Variants in ABCB4 observed in about 807,000 individuals in gnomAD.
ABCB4 encodes ATP binding cassette subfamily B member 4.
ABCB4 carries 76 observed loss-of-function variants against 145.7 expected under a neutral mutation model. The observed-to-expected ratio is 0.52, with a 90% CI of 0.43 to 0.63. The LOEUF is 0.63. Among genes scored for constraint, ABCB4 ranks in the 30% least tolerant of loss-of-function variants. The pLI, the probability that ABCB4 is intolerant of heterozygous loss-of-function variation, is 0.00. For missense variants in ABCB4, 1,234 were observed against 1,553.1 expected (o/e 0.79, Z 3.45); for synonymous variants, 517 against 566.8 (o/e 0.91, Z 1.25).
At chr7:87,458,555 A>C (rs1273771384) in intron 4 of ABCB4, among the ~76,000 whole-genome samples, 1 of 152,206 alleles carries the variant, frequency 6.6e-6, no homozygotes, top group African/African-American at 2.4e-5. Flanking sequence ...ACCTCACTCT[A>C]TCTGTTCCCA....
the ABCB4 span, chr7:87,382,442 C>CT: frequency 6.2e-7 from 1 of 1,613,678 alleles, no homozygotes; most frequent in Non-Finnish European, 8.5e-7. Flanking sequence ...CGGCTTATGC[C>CT]TTTACATCTT....
At chr7:87,451,907 CT>C (rs1168150462) in intron 6 of ABCB4, 113 bp from the exon 7 acceptor site, 28 of 947,604 alleles carry the variant, frequency 3.0e-5, no homozygotes, top group Non-Finnish European at 4.5e-5. Context: ...CTGCAAGCCT[CT>C]TTCAGAGTCT....
At chr7:87,393,303 G>A in the ABCB4 span, among the ~76,000 whole-genome samples, 3 of 152,038 alleles carry the variant, frequency 2.0e-5, no homozygotes, top group Admixed American at 6.6e-5. Flanking sequence ...GTTTCAAGTC[G>A]ATTCGGCAAT....
At chr7:87,412,227 C>A (rs956645578) in intron 22 of ABCB4, among the ~76,000 whole-genome samples, 194 bp from the exon 23 acceptor site, 4 of 152,112 alleles carry the variant, frequency 2.6e-5, no homozygotes, top group South Asian at 4.1e-4. Context: ...ATTGTTTTGA[C>A]AAAAACCATA....
At chr7:87,469,771 A>G (rs1214700743) in intron 3 of ABCB4, among the ~76,000 whole-genome samples, 1 of 152,242 alleles carries the variant, frequency 6.6e-6, no homozygotes, top group Non-Finnish European at 1.5e-5. Context: ...AAGAATCAAT[A>G]TCGTGAAAAT....
intron 26 of ABCB4, chr7:87,406,084 G>T: frequency 1.6e-6 from 1 of 615,166 alleles, no homozygotes; most frequent in South Asian, 1.9e-5. Context: ...TGGTGGTTTT[G>T]AGCTTCTCAC....
chr7:87,415,899 A>G (rs1808937841), intron 21 of ABCB4, among the ~76,000 whole-genome samples: 1 of 152,174 alleles, frequency 6.6e-6, no homozygotes. Flanking sequence ...CCATTCTCCC[A>G]TATGAAATGT....
the ABCB4 span, chr7:87,392,563 C>T: frequency 1.9e-6 from 3 of 1,611,914 alleles, no homozygotes; most frequent in East Asian, 2.2e-5. Flanking sequence ...ATTTTTAATA[C>T]AGCTTCGTGA....
In ABCB4 at chr7:87,462,785, C is replaced by A; in HGVS notation, c.259G>T (p.Asp87Tyr). ...VFGEMTDKFV[D>Y]TAGNFSFPVN... is the part of the protein sequence containing the mutation. ...GGAAAGGAGAAGTTTCCTGCAGTAT[C>A]AACAAATTTGTCAGTCATCTCTCCA... The change falls in exon 4 of 28, where the codon GAT becomes TAT. Residue 87 changes from aspartate to tyrosine, a missense_variant. Coordinates refer to ENST00000649586, the MANE Select transcript of ABCB4 (RefSeq NM_000443.4). 1.9e-6 allele frequency: 3 copies of A among 1,613,934 alleles called. No individual in the cohort carries two copies. The highest frequency in any genetic ancestry group is 2.5e-6 in the Non-Finnish European group (3 of 1,179,918).
intron 4 of ABCB4, among the ~76,000 whole-genome samples, chr7:87,458,617 T>A (rs1812256073): frequency 6.6e-6 from 1 of 152,202 alleles, no homozygotes; most frequent in South Asian, 2.1e-4. Flanking sequence ...CAATAAGCAG[T>A]CTGGATTTAG....
At chr7:87,378,487 A>G in the ABCB4 span, among the ~76,000 whole-genome samples, 788 of 152,324 alleles carry the variant, frequency 5.2e-3, 18 homozygotes, top group South Asian at 0.071. Context: ...GCTGACTTCA[A>G]TGTTCAAATG....
chr7:87,451,563 A>T, intron 7 of ABCB4, 60 bp downstream of exon 7: 1 of 1,589,184 alleles, frequency 6.3e-7, no homozygotes, highest in South Asian at 1.1e-5. Context: ...AGACTTCTGC[A>T]TATTAAAGAT....
chr7:87,471,176 G>C (rs1456950618), intron 3 of ABCB4, among the ~76,000 whole-genome samples: 1 of 151,662 alleles, frequency 6.6e-6, no homozygotes, highest in Non-Finnish European at 1.5e-5. Flanking sequence ...GAGAACACTT[G>C]GACACAGGAA....
chr7:87,431,566 C>A lies in ABCB4; in HGVS notation c.1732-1G>T. On this transcript the variant is annotated splice_acceptor_variant, in intron 14 of 27. Coordinates refer to ENST00000649586, the MANE Select transcript of ABCB4 (RefSeq NM_000443.4). LOFTEE classifies it high-confidence loss of function. ...CAATGGTGGTCCGGCCTTCTCTGGC[C>A]TAAAAGAACAAAAATGTGGTGCATC... 1.2e-6 allele frequency: 2 copies of A among 1,614,016 alleles called. No individual in the cohort carries two copies. Among genetic ancestry groups the A allele is most frequent in the South Asian group, 2.2e-5 (2 of 91,072 alleles).
At chr7:87,429,915 A>T (rs57819699) in intron 15 of ABCB4, among the ~76,000 whole-genome samples, 4,414 of 117,876 alleles carry the variant, frequency 0.037, 70 homozygotes, top group African/African-American at 0.046. Flanking sequence ...TTTTTTTTTT[A>T]AAAAAAAAAA....
chr7:87,427,037 T>C (rs927534554), intron 15 of ABCB4, 117 bp from the exon 16 acceptor site: 12 of 900,858 alleles, frequency 1.3e-5, no homozygotes, highest in Non-Finnish European at 1.9e-5. Flanking sequence ...GAATATTACA[T>C]GTATCAAGAT....
intron 14 of ABCB4, among the ~76,000 whole-genome samples, chr7:87,433,669 G>GTTTTTTTTTT (rs752621529): frequency 2.4e-5 from 3 of 124,050 alleles, no homozygotes; most frequent in Non-Finnish European, 4.8e-5. Flanking sequence ...ACAAAAAATT[G>GTTTTTTTTTT]TTGTTGTTTT....
the ABCB4 span, chr7:87,377,332 A>T: frequency 6.6e-7 from 1 of 1,526,198 alleles, no homozygotes; most frequent in Non-Finnish European, 9.0e-7. Context: ...AATTTGGAAA[A>T]ATTAAATTTA....
At chr7:87,450,679 C>G (rs1298718572) in intron 7 of ABCB4, among the ~76,000 whole-genome samples, 3 of 151,942 alleles carry the variant, frequency 2.0e-5, no homozygotes, top group African/African-American at 7.3e-5. Flanking sequence ...ACTGTGTTAG[C>G]CAGGATGGTC....
Sources: allele counts gnomAD v4.1 joint callset (sites outside exome capture counted in the v4.1 genomes callset), GRCh38; gene constraint gnomAD v4.1.1; transcripts MANE v1.5; gene names NCBI Gene and HGNC (gene_info 2026-07-23, HGNC 2026-07-21).